The following AFF3 variants were observed in gnomAD, a reference collection of about 807,000 sequenced individuals.
AFF3 encodes ALF transcription elongation factor 3.
In AFF3, 32 loss-of-function variants were observed where a neutral mutation model predicts 129.7. The observed-to-expected ratio is 0.25, with a 90% CI of 0.19 to 0.33. The LOEUF (loss-of-function observed/expected upper bound fraction) is 0.33. Among genes scored for constraint, AFF3 ranks in the 10% least tolerant of loss-of-function variants. AFF3 has a pLI of 1.00. For missense variants in AFF3, 1,373 were observed against 1,592.0 expected (o/e 0.86, Z 2.34); for synonymous variants, 644 against 635.4 (o/e 1.01, Z -0.20).
chr2:100,003,985 A>G (rs1487805783), intron 7 of AFF3, among the ~76,000 whole-genome samples: 4 of 152,118 alleles, frequency 2.6e-5, no homozygotes, highest in African/African-American at 9.7e-5. Flanking sequence ...TACACTAAAA[A>G]AAAAAAAAAA....
chr2:99,763,490 G>A (rs1027477235), intron 8 of AFF3, among the ~76,000 whole-genome samples: 11 of 152,126 alleles, frequency 7.2e-5, no homozygotes, highest in African/African-American at 1.9e-4. Context: ...CTAGGTTTCC[G>A]TGAACTATGA....
chr2:99,699,415 A>G (rs893866988), intron 11 of AFF3, among the ~76,000 whole-genome samples: 2 of 152,204 alleles, frequency 1.3e-5, no homozygotes, highest in Admixed American at 6.5e-5. Flanking sequence ...TAATAACAAC[A>G]TCAAAATCCT....
intron 7 of AFF3, among the ~76,000 whole-genome samples, chr2:99,989,054 A>G (rs532228437): frequency 2.0e-5 from 3 of 152,336 alleles, no homozygotes; most frequent in South Asian, 2.1e-4. Context: ...CAAACCAAAG[A>G]GTAACTTCAA....
chr2:99,940,002 G>A (rs529942565), intron 7 of AFF3, among the ~76,000 whole-genome samples: 16 of 152,142 alleles, frequency 1.1e-4, no homozygotes, highest in Non-Finnish European at 2.4e-4. Context: ...TTAATTTTGG[G>A]GAAACAAAAT....
intron 8 of AFF3, among the ~76,000 whole-genome samples, chr2:99,794,334 T>G (rs1235773325): frequency 1.3e-5 from 2 of 152,232 alleles, no homozygotes; most frequent in East Asian, 3.8e-4. Flanking sequence ...GTATCAAAGC[T>G]TATTTTTAAA....
Position 99,550,936 on chromosome 2 carries a change from C to A in AFF3, c.*538G>T, listed in dbSNP as rs772969080. 9.9e-6 allele frequency: 3 copies of A among 303,812 alleles called. No individual in the cohort carries two copies. The highest frequency in any genetic ancestry group is 6.4e-5 in the African/African-American group (3 of 46,956). 18.8% of individuals were successfully genotyped at this position (303,812 alleles called of 1,614,324 possible). A position where few individuals can be genotyped will look rare whatever the true frequency, so the allele number is the denominator to read the frequency against. ...TTCATTATTCAATTACCCATTAATA[C>A]ATACCAATCAAAAAATAATTGGGGA... is the stretch of plus-strand genomic sequence containing the variant. On this transcript the variant is annotated 3_prime_UTR_variant, in exon 25 of 25. Coordinates refer to ENST00000672756, the MANE Select transcript of AFF3 (RefSeq NM_001386135.1).
At chr2:100,047,473 AC>A (rs1573247092) in intron 4 of AFF3, among the ~76,000 whole-genome samples, 1 of 152,242 alleles carries the variant, frequency 6.6e-6, no homozygotes, top group East Asian at 1.9e-4. Flanking sequence ...CACAACACAG[AC>A]CCCGTCCTTA....
intron 8 of AFF3, among the ~76,000 whole-genome samples, chr2:99,794,600 C>T (rs1478054502): frequency 6.6e-6 from 1 of 152,132 alleles, no homozygotes; most frequent in East Asian, 1.9e-4. Context: ...GCTAAAGACT[C>T]AAGGGGTCCC....
At chr2:99,900,771 T>C (rs998192123) in intron 7 of AFF3, among the ~76,000 whole-genome samples, 3 of 152,178 alleles carry the variant, frequency 2.0e-5, no homozygotes, top group Admixed American at 2.0e-4. Context: ...AGAGCTACTC[T>C]GGGCAAGAAT....
intron 22 of AFF3, among the ~76,000 whole-genome samples, chr2:99,557,556 T>C (rs1217670562): frequency 1.3e-5 from 2 of 152,238 alleles, no homozygotes; most frequent in Non-Finnish European, 2.9e-5. Context: ...GCTTCCTTCT[T>C]TATTCAAGCA....
chr2:99,635,685 C>A (rs957838445), intron 13 of AFF3, among the ~76,000 whole-genome samples: 1 of 152,204 alleles, frequency 6.6e-6, no homozygotes, highest in Non-Finnish European at 1.5e-5. Context: ...GCCCTCCCTG[C>A]TGAAGGCCAC....
At chr2:100,001,518 T>C (rs909129559) in intron 7 of AFF3, among the ~76,000 whole-genome samples, 1 of 152,240 alleles carries the variant, frequency 6.6e-6, no homozygotes, top group African/African-American at 2.4e-5. Flanking sequence ...AATTTCTGCA[T>C]CCCGAGTTCA....
intron 8 of AFF3, among the ~76,000 whole-genome samples, chr2:99,786,064 T>C (rs932227027): frequency 9.8e-5 from 15 of 152,356 alleles, no homozygotes; most frequent in African/African-American, 2.9e-4. Context: ...CTGTGCCCCA[T>C]TGACATAGTC....
At chr2:99,778,873 TGTGTGTGTGTGTGTGTGTGTGCGC>T (rs1344942109) in intron 8 of AFF3, among the ~76,000 whole-genome samples, 1 of 40,164 alleles carries the variant, frequency 2.5e-5, no homozygotes, top group African/African-American at 8.7e-5. Flanking sequence ...TATAATTTTG[TGTGTGTGTGTGTGTGTGTGTGCGC>T]GTGTGTGTGT....
At chr2:99,752,596 A>G (rs546928606) in intron 8 of AFF3, among the ~76,000 whole-genome samples, 1 of 152,312 alleles carries the variant, frequency 6.6e-6, no homozygotes, top group South Asian at 2.1e-4. Context: ...ACAATCTAGT[A>G]GCAAAAGTTC....
chr2:99,572,626 T>G (rs1228325735), intron 18 of AFF3: 1 of 455,844 alleles, frequency 2.2e-6, no homozygotes, highest in South Asian at 1.6e-5. Flanking sequence ...ATCAGACAAA[T>G]AGGCAACTGC....
At chr2:99,569,654 A>C (rs1676297624) in intron 18 of AFF3, among the ~76,000 whole-genome samples, 1 of 152,198 alleles carries the variant, frequency 6.6e-6, no homozygotes, top group Admixed American at 6.5e-5. Flanking sequence ...GAGTGTGTGT[A>C]ATGAGGCCCA....
intron 24 of AFF3, 30 bp from the exon 25 acceptor site, chr2:99,551,625 G>A (rs1239637490): frequency 1.2e-6 from 2 of 1,613,446 alleles, no homozygotes; most frequent in South Asian, 2.2e-5. Flanking sequence ...TGTTAAGAAT[G>A]CCACACATGC....
intron 4 of AFF3, among the ~76,000 whole-genome samples, chr2:100,052,465 A>C (rs1686417547): frequency 6.6e-6 from 1 of 152,092 alleles, no homozygotes; most frequent in Non-Finnish European, 1.5e-5. Context: ...CTTGGGACCT[A>C]CCTGGAGCTG....
Sources: gnomAD v4.1 joint callset for allele counts (sites outside exome capture counted in the v4.1 genomes callset) on GRCh38, gnomAD v4.1.1 for gene constraint, MANE v1.5 for transcripts, NCBI Gene and HGNC (gene_info 2026-07-23, HGNC 2026-07-21) for gene names.